The following SPTA1 variants were observed in gnomAD, a reference collection of about 807,000 sequenced individuals.
SPTA1 encodes spectrin alpha chain, erythrocytic 1.
A neutral mutation model predicts 324.7 loss-of-function variants in SPTA1; 177 were observed. The ratio of observed to expected loss-of-function variants is 0.55; its 90% CI spans 0.48 to 0.62. SPTA1 has a LOEUF of 0.62. SPTA1 is among the 20% of genes least tolerant of loss of function. SPTA1 has a pLI of 0.00. For synonymous variants in SPTA1, 1,195 were observed against 1,041.3 expected (o/e 1.15, Z -2.84); for missense variants, 3,162 against 2,883.6 (o/e 1.10, Z -2.21).
At chr1:158,634,756 T>C (rs1475498928) in intron 38 of SPTA1, 81 bp from the exon 39 acceptor site, 3 of 1,545,742 alleles carry the variant, frequency 1.9e-6, no homozygotes, top group Admixed American at 1.7e-5. Flanking sequence ...CACAATCTCA[T>C]TCAGGCAGAC....
chr1:158,676,057 T>C, intron 8 of SPTA1, 84 bp downstream of exon 8: 1 of 1,579,230 alleles, frequency 6.3e-7, no homozygotes, highest in Non-Finnish European at 8.7e-7. Context: ...GCTATTTGAC[T>C]CCCTTTACTC....
chr1:158,651,424 T>C lies in SPTA1; in HGVS notation c.3420A>G (p.Val1140=). ...NEPRLRDINK[V]ADDLLFEGLL... is the part of the protein sequence containing the mutation. Reference sequence around the variant, plus strand: ...GTCCTTCAAATAGTAGATCATCAGCTACCTTGTTGATATCCCTTAGCCGAG... The same window carrying C: ...GTCCTTCAAATAGTAGATCATCAGCCACCTTGTTGATATCCCTTAGCCGAG... Residue 1140 remains valine (V), a synonymous_variant, in exon 24 of 52, where the codon GTA becomes GTG. Coordinates refer to ENST00000643759, the MANE Select transcript of SPTA1 (RefSeq NM_003126.4). 7 of 1,613,936 alleles carry C rather than the reference T, an allele frequency of 4.3e-6. No homozygotes were observed. The highest frequency in any genetic ancestry group is 5.9e-6 in the Non-Finnish European group (7 of 1,179,868).
chr1:158,675,151 G>T (rs1386585506), intron 8 of SPTA1, among the ~76,000 whole-genome samples: 1 of 152,064 alleles, frequency 6.6e-6, no homozygotes, highest in Non-Finnish European at 1.5e-5. Flanking sequence ...AAAGTTAAAT[G>T]CTCATCTTTT....
intron 17 of SPTA1, 177 bp from the exon 18 acceptor site, chr1:158,661,586 C>T: frequency 1.3e-6 from 1 of 758,858 alleles, no homozygotes. Flanking sequence ...TTTGTTCTTC[C>T]CCTGGCCTCT....
chr1:158,641,801 C>T (rs567427385), intron 33 of SPTA1, among the ~76,000 whole-genome samples: 21 of 152,310 alleles, frequency 1.4e-4, no homozygotes, highest in Non-Finnish European at 2.5e-4. Context: ...CCAGCCTTCC[C>T]ATTTCTGGGT....
chr1:158,626,176 A>T lies in SPTA1; in HGVS notation c.5880T>A (p.Leu1960=). The change falls in exon 42 of 52, where the codon CTT becomes CTA. Residue 1960 remains leucine, a synonymous_variant. Coordinates refer to ENST00000643759, the MANE Select transcript of SPTA1 (RefSeq NM_003126.4). The part of the protein sequence containing the change: ...SLKTNGNGAD[L]GDFLTLLAKQ... ...TTGCCAGAAGAGTGAGGAAGTCACCAAGGTCTGCACCATTGCCATTGGTCT... is the reference window on the plus strand; with the variant it reads ...TTGCCAGAAGAGTGAGGAAGTCACCTAGGTCTGCACCATTGCCATTGGTCT... 2 of 1,613,804 alleles carry T rather than the reference A, an allele frequency of 1.2e-6. No individual in the cohort carries two copies. Among genetic ancestry groups the T allele is most frequent in the South Asian group, 2.2e-5 (2 of 91,082 alleles).
Position 158,614,304 on chromosome 1 carries a change from T to G in SPTA1, c.6791A>C (p.Asp2264Ala). ...AGTCTCTTCACTCACACCTTTGATG[T>G]CCCTGAAAGAAAAAAAAAAAACATG... ...HNLEQQIQAK[D>A]IKGVSEETLK... Residue 2264 changes from aspartate (D) to alanine (A), a missense_variant and splice_region_variant, in exon 49 of 52, where the codon GAC becomes GCC. Transcript: ENST00000643759. 1 of 1,555,672 alleles carries G rather than the reference T, an allele frequency of 6.4e-7. No individual in the cohort carries two copies. Among genetic ancestry groups the G allele is most frequent in the Non-Finnish European group, 8.7e-7 (1 of 1,145,384 alleles).
rs765948957 is a variant in SPTA1 at position 158,648,501 on chromosome 1, T to A, written c.3714+8A>T. The A allele has an allele frequency of 6.2e-7, 1 of 1,613,866 alleles. No individual in the cohort carries two copies. Among genetic ancestry groups the A allele is most frequent in the South Asian group, 1.1e-5 (1 of 91,080 alleles). On this transcript the variant is annotated splice_region_variant and intron_variant, in intron 26 of 51. Coordinates refer to ENST00000643759, the MANE Select transcript of SPTA1 (RefSeq NM_003126.4). Reference sequence around the variant, plus strand: ...AGTGTTGGAAAAGCTTTGAAGGACTTGTCTCACCTTATCTCCCAGGGGTAC... The same window carrying A: ...AGTGTTGGAAAAGCTTTGAAGGACTAGTCTCACCTTATCTCCCAGGGGTAC...
In SPTA1 at chr1:158,642,502, T is replaced by C. The variant is rs529140013; in HGVS notation, c.4646A>G (p.Asp1549Gly). The C allele has an allele frequency of 6.2e-7, 1 of 1,613,646 alleles. No homozygotes were observed. Among genetic ancestry groups the C allele is most frequent in the South Asian group, 1.1e-5 (1 of 91,074 alleles). Residue 1549 changes from aspartate to glycine, a missense_variant, in exon 33 of 52, where the codon GAT becomes GGT. Coordinates refer to ENST00000643759, the MANE Select transcript of SPTA1 (RefSeq NM_003126.4). ...LKHQTFAHEVDGRSEQVHGVI... is the reference protein window; with the variant it reads ...LKHQTFAHEVGGRSEQVHGVI... ...GCCATGCACCTGCTCAGATCGGCCA[T>C]CGACTTCATGTGCAAAGGTCTGGTG...
At chr1:158,675,922 G>A (rs191443054) in intron 8 of SPTA1, among the ~76,000 whole-genome samples, 6 of 152,232 alleles carry the variant, frequency 3.9e-5, no homozygotes. Context: ...TCAAACTGTG[G>A]TTGACTGCTG....
intron 23 of SPTA1, among the ~76,000 whole-genome samples, chr1:158,652,249 G>A (rs1365664611): frequency 6.6e-6 from 1 of 152,158 alleles, no homozygotes; most frequent in Non-Finnish European, 1.5e-5. Flanking sequence ...TGGAGTGGCA[G>A]GCACTGAAGG....
At position 158,642,654 on chromosome 1, in the gene SPTA1, G is replaced by A. The variant is rs542491273; in HGVS notation, c.4606-112C>T. 4.8e-5 allele frequency: 76 copies of A among 1,572,240 alleles called. No homozygotes were observed. The African/African-American group carries it at 8.8e-4, about 18-fold the overall frequency. The stretch of plus-strand genomic sequence containing the variant: ...TATTTCTATCATAACTGAGGTGACG[G>A]TGACTTCTGAAGAACCTGCTCCACA... On this transcript the variant is annotated intron_variant, in intron 32 of 51. Transcript: ENST00000643759.
At position 158,612,956 on chromosome 1, in the gene SPTA1, C is replaced by T. The variant is rs1649350934; in HGVS notation, c.6995G>A (p.Gly2332Asp). The change falls in exon 51 of 52, where the codon GGC becomes GAC. Residue 2332 changes from glycine to aspartate, a missense_variant. By Grantham distance (94) the Gly-to-Asp change is moderately conservative. Transcript: ENST00000643759. ...FLDAVDPGRK[G>D]YVSLEDYTAF... ...AGTATAGTCCTCCAGTGAGACATAGCCCTTCCTGTGGGAGAAATGGATCAG... is the reference window on the plus strand; with the variant it reads ...AGTATAGTCCTCCAGTGAGACATAGTCCTTCCTGTGGGAGAAATGGATCAG... The T allele has an allele frequency of 6.2e-7, 1 of 1,613,822 alleles. No individual in the cohort carries two copies. The highest frequency in any genetic ancestry group is 8.5e-7 in the Non-Finnish European group (1 of 1,179,854).
intron 20 of SPTA1, among the ~76,000 whole-genome samples, chr1:158,656,284 TAAGA>T (rs1032450745): frequency 5.3e-5 from 8 of 151,844 alleles, no homozygotes; most frequent in Admixed American, 3.9e-4. Context: ...TGAAGAAAAG[TAAGA>T]AAGAAAGAAG....
At chr1:158,672,639 C>T (rs1654106062) in intron 10 of SPTA1, among the ~76,000 whole-genome samples, 2 of 152,282 alleles carry the variant, frequency 1.3e-5, no homozygotes, top group African/African-American at 2.4e-5. Flanking sequence ...GCACATAAAA[C>T]ATCACACTGA....
In SPTA1 at chr1:158,643,386, G is replaced by A. The variant is rs1292682498; in HGVS notation, c.4378C>T (p.Leu1460Phe). 4 of 1,613,706 alleles carry A rather than the reference G, an allele frequency of 2.5e-6. No individual in the cohort carries two copies. The highest frequency in any genetic ancestry group is 3.4e-6 in the Non-Finnish European group (4 of 1,179,886). ...TTGGCATAGTGTTCATCAGCAATGAGGCTCTCAGCAAAATGTTCTAGGTCA... is the reference window on the plus strand; with the variant it reads ...TTGGCATAGTGTTCATCAGCAATGAAGCTCTCAGCAAAATGTTCTAGGTCA... ...ITDLEHFAESLIADEHYAKEE... is the reference protein window; with the variant it reads ...ITDLEHFAESFIADEHYAKEE... Residue 1460 changes from leucine to phenylalanine, a missense_variant, in exon 31 of 52, where the codon CTC (leucine) becomes TTC (phenylalanine). Coordinates refer to ENST00000643759, the MANE Select transcript of SPTA1 (RefSeq NM_003126.4).
rs2101914681 is a variant in SPTA1 at position 158,671,391 on chromosome 1, C to A, written c.1551G>T (p.Lys517Asn). 6.2e-7 allele frequency: 1 copy of A among 1,613,546 alleles called. No individual in the cohort carries two copies. The highest frequency in any genetic ancestry group is 1.3e-5 in the African/African-American group (1 of 75,012). Residue 517 changes from lysine (K) to asparagine (N), a missense_variant, in exon 12 of 52, where the codon AAG becomes AAT. By Grantham distance (94) the Lys-to-Asn change is moderately conservative (BLOSUM62 0). Coordinates refer to ENST00000643759, the MANE Select transcript of SPTA1 (RefSeq NM_003126.4). ...TAAAGGCTTCCTCAAAGTCTTCATG[C>A]TTCTGAAGAAGGGCTTCTGCACTGC... ...SLGSAEALLQ[K>N]HEDFEEAFTA...
At chr1:158,671,236 A>G in intron 12 of SPTA1, 107 bp downstream of exon 12, 1 of 779,688 alleles carries the variant, frequency 1.3e-6, no homozygotes, top group Non-Finnish European at 2.3e-6. Flanking sequence ...GATAATCCTC[A>G]GGCTATGTCT....
rs561693876 is a variant in SPTA1, at chr1:158,619,876, A to G, written c.6417+294T>C. Among the ~76,000 whole-genome samples, 7 of 152,358 alleles carry G rather than the reference A, an allele frequency of 4.6e-5. No individual in the cohort carries two copies. The East Asian group carries it at 9.7e-4, about 21-fold the overall frequency. On this transcript the variant is annotated intron_variant, in intron 44 of 51. Coordinates refer to ENST00000643759, the MANE Select transcript of SPTA1 (RefSeq NM_003126.4). ...GGATATGTAGACAATGAATACATATAAAGCCTCATGAACTTTTCATAGCTC... is the reference window on the plus strand; with the variant it reads ...GGATATGTAGACAATGAATACATATGAAGCCTCATGAACTTTTCATAGCTC...
Sources: allele counts gnomAD v4.1 joint callset (sites outside exome capture counted in the v4.1 genomes callset), GRCh38; gene constraint gnomAD v4.1.1; transcripts MANE v1.5; gene names NCBI Gene and HGNC (gene_info 2026-07-23, HGNC 2026-07-21).